The following THSD7A variants were observed in gnomAD, a reference collection of about 807,000 sequenced individuals.
THSD7A encodes the protein thrombospondin type-1 domain-containing protein 7A.
In THSD7A, 96 loss-of-function variants were observed where a neutral mutation model predicts 231.3. The ratio of observed to expected loss-of-function variants is 0.41; its 90% CI spans 0.35 to 0.49. The LOEUF (loss-of-function observed/expected upper bound fraction) is 0.49, where lower values mean the gene tolerates loss of function less well. THSD7A is among the 20% of genes least tolerant of loss of function. The pLI is 0.05. For missense variants in THSD7A, 2,290 were observed against 2,070.2 expected, an observed-to-expected ratio of 1.11 and a Z score of -2.06; for synonymous variants, 940 against 743.3, an observed-to-expected ratio of 1.26 and a Z score of -4.30.
At chr7:11,564,512 A>G (rs1216268596) in intron 4 of THSD7A, among the ~76,000 whole-genome samples, 1 of 152,130 alleles carries the variant, frequency 6.6e-6, no homozygotes, top group East Asian at 1.9e-4. Flanking sequence ...TCCCTTCCTA[A>G]TTCTCTTACA....
intron 1 of THSD7A, among the ~76,000 whole-genome samples, chr7:11,767,674 T>C (rs1271231345): frequency 6.6e-6 from 1 of 152,186 alleles, no homozygotes; most frequent in East Asian, 1.9e-4. Flanking sequence ...GGGTTTTCTG[T>C]TCACAGAAAA....
chr7:11,650,109 CAA>C (rs1389055860), intron 1 of THSD7A, among the ~76,000 whole-genome samples: 10 of 152,084 alleles, frequency 6.6e-5, no homozygotes, highest in African/African-American at 2.4e-4. Flanking sequence ...ATCTGCATAT[CAA>C]GTGTCAAAGG....
intron 16 of THSD7A, among the ~76,000 whole-genome samples, chr7:11,419,987 C>T (rs1299628214): frequency 1.3e-5 from 2 of 152,262 alleles, no homozygotes; most frequent in African/African-American, 4.8e-5. Context: ...AAGATGTGGC[C>T]TGCCTGCTTC....
chr7:11,456,034 T>C (rs1472411386), intron 11 of THSD7A, among the ~76,000 whole-genome samples: 1 of 152,000 alleles, frequency 6.6e-6, no homozygotes, highest in Non-Finnish European at 1.5e-5. Flanking sequence ...AGTAAGGTGA[T>C]AAGAAGGAAT....
At chr7:11,650,099 A>G (rs1463175660) in intron 1 of THSD7A, among the ~76,000 whole-genome samples, 2 of 152,132 alleles carry the variant, frequency 1.3e-5, no homozygotes, top group African/African-American at 4.8e-5. Context: ...CTAGATTAGT[A>G]TCTGCATATC....
chr7:11,664,867 T>C (rs778687105), intron 1 of THSD7A, among the ~76,000 whole-genome samples: 2 of 152,020 alleles, frequency 1.3e-5, no homozygotes, highest in Non-Finnish European at 2.9e-5. Context: ...TGTTTTTCCT[T>C]ATCTTCTCTT....
chr7:11,430,204 A>C lies in THSD7A; in HGVS notation c.3065-1079T>G, dbSNP rs1408744749. 2.1e-4 allele frequency among the ~76,000 whole-genome samples: 32 copies of C among 152,190 alleles called. 1 individual carries two copies. Among genetic ancestry groups the C allele is most frequent in the Admixed American group, 2.1e-3 (32 of 15,274 alleles). On this transcript the variant is annotated intron_variant, in intron 13 of 27. Transcript: ENST00000423059. ...AGGCAACTCTAGGTAGATTTTTAAAAATTTATGGAGATATAATTCATATTC... is the reference window on the plus strand; with the variant it reads ...AGGCAACTCTAGGTAGATTTTTAAACATTTATGGAGATATAATTCATATTC...
chr7:11,577,399 C>G (rs955422636), intron 4 of THSD7A, among the ~76,000 whole-genome samples: 1 of 152,128 alleles, frequency 6.6e-6, no homozygotes, highest in Non-Finnish European at 1.5e-5. Context: ...TCATTGCAAC[C>G]TCTGCCTCCC....
intron 23 of THSD7A, among the ~76,000 whole-genome samples, chr7:11,391,298 A>G (rs1371444657): frequency 6.6e-6 from 1 of 152,122 alleles, no homozygotes; most frequent in Admixed American, 6.5e-5. Flanking sequence ...TGCCCTGCCC[A>G]GAGAGGAGGA....
At chr7:11,424,015 G>A (rs1388054768) in intron 16 of THSD7A, among the ~76,000 whole-genome samples, 1 of 152,128 alleles carries the variant, frequency 6.6e-6, no homozygotes, top group Non-Finnish European at 1.5e-5. Flanking sequence ...AACACAGTGA[G>A]GGGTATATGG....
At chr7:11,467,158 C>T (rs779338809) in intron 9 of THSD7A, among the ~76,000 whole-genome samples, 6 of 152,114 alleles carry the variant, frequency 3.9e-5, no homozygotes, top group Non-Finnish European at 8.8e-5. Flanking sequence ...ATCTTTCTCA[C>T]AGTCATTTAA....
chr7:11,753,918 G>A (rs1035192890), intron 1 of THSD7A, among the ~76,000 whole-genome samples: 1 of 151,762 alleles, frequency 6.6e-6, no homozygotes, highest in East Asian at 1.9e-4. Context: ...CAAAACAGAG[G>A]CATAGAAACT....
At chr7:11,429,261 A>G in intron 13 of THSD7A, 136 bp from the exon 14 acceptor site, 2 of 752,050 alleles carry the variant, frequency 2.7e-6, no homozygotes, top group Non-Finnish European at 4.0e-6. Context: ...TCTCTGTTGT[A>G]AGGGACTTGA....
intron 1 of THSD7A, among the ~76,000 whole-genome samples, chr7:11,753,997 G>A (rs906989626): frequency 6.6e-5 from 10 of 151,866 alleles, no homozygotes; most frequent in East Asian, 2.0e-4. Flanking sequence ...TTTCCAGAAC[G>A]GCCACTTTAT....
chr7:11,474,362 C>T lies in THSD7A; in HGVS notation c.2224G>A (p.Val742Ile), dbSNP rs1786059071. ...MQTRKVICVRVNVGQVGPKKC... is the reference protein window; with the variant it reads ...MQTRKVICVRINVGQVGPKKC... The stretch of plus-strand genomic sequence containing the variant: ...TTGGGTCCCACTTGGCCCACATTGA[C>T]TCGCACACAGATGACTTTTCTTGTC... The change falls in exon 8 of 28, where the codon GTC (valine) becomes ATC (isoleucine). Residue 742 changes from valine (V) to isoleucine (I), a missense_variant. By Grantham distance (29) the Val-to-Ile change is conservative (BLOSUM62 3). Transcript: ENST00000423059. This position sits in a 1 kb window ranked among gnomAD's most constrained non-coding sequence, Gnocchi z 4.1. 6.2e-7 allele frequency: 1 copy of T among 1,613,142 alleles called. No homozygotes were observed. Among genetic ancestry groups the T allele is most frequent in the Non-Finnish European group, 8.5e-7 (1 of 1,179,404 alleles).
chr7:11,499,145 G>T (rs777798712), intron 6 of THSD7A, among the ~76,000 whole-genome samples: 9 of 152,188 alleles, frequency 5.9e-5, no homozygotes, highest in Non-Finnish European at 1.2e-4. Flanking sequence ...CCAACAAGCT[G>T]CAGTTGACCC....
intron 1 of THSD7A, among the ~76,000 whole-genome samples, chr7:11,774,182 G>T (rs1562545285): frequency 6.6e-6 from 1 of 152,128 alleles, no homozygotes; most frequent in Non-Finnish European, 1.5e-5. Context: ...TCTAACATTT[G>T]TAACAACATA....
chr7:11,824,335 A>G (rs1055447830), intron 1 of THSD7A, among the ~76,000 whole-genome samples: 2 of 152,044 alleles, frequency 1.3e-5, no homozygotes, highest in East Asian at 3.9e-4. Context: ...CAGTATTCTC[A>G]TTCTAACTCA....
At chr7:11,692,631 CT>C (rs1348152726) in intron 1 of THSD7A, among the ~76,000 whole-genome samples, 1 of 151,540 alleles carries the variant, frequency 6.6e-6, no homozygotes, top group Non-Finnish European at 1.5e-5. Flanking sequence ...CTTCCTAAAT[CT>C]TCCACCAAGT....
Sources: gnomAD v4.1 joint callset for allele counts (sites outside exome capture counted in the v4.1 genomes callset) on GRCh38, gnomAD v4.1.1 for gene constraint, Gnocchi (gnomAD v3.1) non-coding constraint, MANE v1.5 for transcripts, NCBI Gene and HGNC (gene_info 2026-07-23, HGNC 2026-07-21) for gene names.